The following PDE4D variants were observed in gnomAD, a reference collection of about 807,000 sequenced individuals.
PDE4D encodes the protein 3',5'-cyclic-AMP phosphodiesterase 4D.
Under a neutral mutation model 87.4 loss-of-function variants are expected in PDE4D, and 24 were observed. The ratio of observed to expected loss-of-function variants is 0.27; its 90% CI spans 0.20 to 0.39. PDE4D has a LOEUF of 0.39. Among genes scored for constraint, PDE4D ranks in the 10% least tolerant of loss-of-function variants. PDE4D has a pLI of 1.00. For synonymous variants in PDE4D, 384 were observed against 383.2 expected (o/e 1.00, Z -0.02); for missense variants, 714 against 1,041.0 (o/e 0.69, Z 4.32).
At chr5:60,329,804 T>C (rs1305567462) in intron 1 of PDE4D, among the ~76,000 whole-genome samples, 2 of 152,194 alleles carry the variant, frequency 1.3e-5, no homozygotes, top group African/African-American at 2.4e-5. Context: ...TATGATTTGA[T>C]TTAATGTCAA....
intron 2 of PDE4D, among the ~76,000 whole-genome samples, chr5:60,052,743 C>T (rs1770327631): frequency 6.6e-6 from 1 of 152,188 alleles, no homozygotes; most frequent in Admixed American, 6.5e-5. Flanking sequence ...GAGAGGAAGT[C>T]AAATTGTCTC....
intron 5 of PDE4D, among the ~76,000 whole-genome samples, chr5:59,151,122 A>G (rs1426181891): frequency 1.3e-5 from 2 of 152,126 alleles, no homozygotes; most frequent in Admixed American, 6.6e-5. Context: ...TGATCTAGTT[A>G]TTTCTGGTAA....
At chr5:59,964,426 A>C (rs908127832) in intron 3 of PDE4D, among the ~76,000 whole-genome samples, 11 of 152,224 alleles carry the variant, frequency 7.2e-5, no homozygotes, top group Non-Finnish European at 1.2e-4. Context: ...GGCAGTTGTG[A>C]AGTTTGGCTC....
chr5:60,046,507 C>G (rs963290274), intron 2 of PDE4D, among the ~76,000 whole-genome samples: 2 of 152,036 alleles, frequency 1.3e-5, no homozygotes, highest in African/African-American at 4.8e-5. Flanking sequence ...GTGGGTTTGT[C>G]ATAGATAGCT....
At chr5:59,325,048 G>A (rs959645259) in intron 1 of PDE4D, among the ~76,000 whole-genome samples, 1 of 152,236 alleles carries the variant, frequency 6.6e-6, no homozygotes, top group Middle Eastern at 3.4e-3. Context: ...CTGGGCCAGA[G>A]AATAAAATGG....
intron 5 of PDE4D, among the ~76,000 whole-genome samples, chr5:59,146,707 T>C (rs1778713070): frequency 6.6e-6 from 1 of 152,212 alleles, no homozygotes; most frequent in African/African-American, 2.4e-5. Context: ...GGTAGTATAA[T>C]TGAATAAGGC....
At chr5:60,025,760 C>A (rs530341197) in intron 2 of PDE4D, among the ~76,000 whole-genome samples, 49 of 151,934 alleles carry the variant, frequency 3.2e-4, no homozygotes, top group African/African-American at 1.0e-3. Context: ...TTAAAAAAAA[C>A]CCTAAATATT....
intron 1 of PDE4D, among the ~76,000 whole-genome samples, chr5:59,431,868 A>T (rs1437089642): frequency 6.6e-6 from 1 of 152,044 alleles, no homozygotes; most frequent in East Asian, 1.9e-4. Context: ...TGTAAGTGAG[A>T]TCATGTGGCA....
intron 1 of PDE4D, among the ~76,000 whole-genome samples, chr5:59,800,500 G>A (rs1766994102): frequency 6.6e-6 from 1 of 152,068 alleles, no homozygotes; most frequent in Non-Finnish European, 1.5e-5. Context: ...GCTGTTTATA[G>A]CACCAGTGTA....
At chr5:59,562,139 G>T (rs1820127842) in intron 1 of PDE4D, among the ~76,000 whole-genome samples, 1 of 150,078 alleles carries the variant, frequency 6.7e-6, no homozygotes, top group Admixed American at 6.6e-5. Flanking sequence ...TTTTTGTTTT[G>T]TTTTGTTTTG....
At chr5:60,170,492 GATAATA>G (rs552843933) in intron 2 of PDE4D, among the ~76,000 whole-genome samples, 4 of 151,788 alleles carry the variant, frequency 2.6e-5, no homozygotes, top group African/African-American at 7.3e-5. Context: ...CTTGTCTACA[GATAATA>G]ATAATAATAA....
At chr5:60,378,057 G>A (rs1482033685) in intron 1 of PDE4D, among the ~76,000 whole-genome samples, 2 of 152,186 alleles carry the variant, frequency 1.3e-5, no homozygotes, top group Non-Finnish European at 2.9e-5. Flanking sequence ...TCCAATGGGT[G>A]AATCATAATT....
intron 1 of PDE4D, among the ~76,000 whole-genome samples, chr5:59,308,949 C>A (rs1771994621): frequency 6.6e-6 from 1 of 151,992 alleles, no homozygotes. Context: ...GGGTGAGATT[C>A]CCAGGTCACT....
intron 1 of PDE4D, among the ~76,000 whole-genome samples, chr5:59,507,004 A>T (rs1435263846): frequency 6.6e-6 from 1 of 152,210 alleles, no homozygotes; most frequent in Non-Finnish European, 1.5e-5. Flanking sequence ...ATGATTTGTA[A>T]TAGTTTCAAA....
At chr5:59,334,484 C>T (rs1249714320) in intron 1 of PDE4D, among the ~76,000 whole-genome samples, 2 of 151,962 alleles carry the variant, frequency 1.3e-5, no homozygotes, top group African/African-American at 4.8e-5. Flanking sequence ...TCTCAAACTC[C>T]TGACCTCAGG....
At chr5:59,706,491 C>A (rs766747556) in intron 1 of PDE4D, among the ~76,000 whole-genome samples, 29 of 152,212 alleles carry the variant, frequency 1.9e-4, no homozygotes, top group Non-Finnish European at 3.8e-4. Context: ...AGGGCTGAAA[C>A]AAATCTGACA....
At chr5:60,268,150 A>C (rs974115662) in intron 1 of PDE4D, among the ~76,000 whole-genome samples, 1 of 152,216 alleles carries the variant, frequency 6.6e-6, no homozygotes, top group African/African-American at 2.4e-5. Flanking sequence ...TTACCACCAT[A>C]GTCAAGGTCA....
Position 59,038,955 on chromosome 5 carries a change from T to C in PDE4D, c.825A>G (p.Lys275=). The change falls in exon 6 of 15, where the codon AAA becomes AAG. Residue 275 remains lysine, a synonymous_variant. Transcript: ENST00000340635. Reference sequence around the variant, plus strand: ...GCTCCTCCAGGGTCTCGCTGGCCAGTTTCTGGTAGGCCTCCTCTGCGAAGA... The same window carrying C: ...GCTCCTCCAGGGTCTCGCTGGCCAGCTTCTGGTAGGCCTCCTCTGCGAAGA... The part of the protein sequence containing the change: ...KATITEEAYQ[K]LASETLEELD... The C allele has an allele frequency of 6.3e-7, 1 of 1,591,032 alleles. No homozygotes were observed. Among genetic ancestry groups the C allele is most frequent in the Non-Finnish European group, 8.6e-7 (1 of 1,167,942 alleles).
chr5:60,442,912 G>A (rs1367113746), intron 1 of PDE4D, among the ~76,000 whole-genome samples: 2 of 152,224 alleles, frequency 1.3e-5, no homozygotes, highest in South Asian at 4.1e-4. Context: ...GAGCTTTCCA[G>A]AAACAGTAGA....
Sources: allele counts gnomAD v4.1 joint callset (sites outside exome capture counted in the v4.1 genomes callset), GRCh38; gene constraint gnomAD v4.1.1; transcripts MANE v1.5; gene names NCBI Gene and HGNC (gene_info 2026-07-23, HGNC 2026-07-21).